The following MRTFA variants were observed in gnomAD, a reference collection of about 807,000 sequenced individuals.
MRTFA encodes the protein myocardin-related transcription factor A.
A neutral mutation model predicts 83.5 loss-of-function variants in MRTFA; 20 were observed. The observed-to-expected ratio is 0.24, with a 90% CI of 0.17 to 0.35. MRTFA has a LOEUF of 0.35. Ranked by LOEUF, MRTFA falls within the 10% of genes least tolerant of loss-of-function variation. The probability of loss-of-function intolerance (pLI) is 1.00; values close to 1 mark genes in which losing one functional copy is unlikely to be tolerated. For missense variants in MRTFA, 1,200 were observed against 1,224.7 expected (o/e 0.98, Z 0.30); for synonymous variants, 659 against 541.2 (o/e 1.22, Z -3.02).
At chr22:40,521,199 T>C (rs2054860195) in intron 3 of MRTFA, among the ~76,000 whole-genome samples, 3 of 152,154 alleles carry the variant, frequency 2.0e-5, no homozygotes, top group Admixed American at 2.0e-4. Flanking sequence ...TTAGTCAACA[T>C]ACACATTTCC....
intron 7 of MRTFA, chr22:40,429,238 A>G (rs2147090025): frequency 6.7e-6 from 4 of 595,816 alleles, no homozygotes; most frequent in South Asian, 2.1e-5. Flanking sequence ...GACTTCACTA[A>G]TAAAGAGTAT....
intron 1 of MRTFA, among the ~76,000 whole-genome samples, chr22:40,629,371 G>A (rs972305047): frequency 1.9e-4 from 29 of 150,514 alleles, no homozygotes; most frequent in East Asian, 3.9e-4. Context: ...GCTTGAACCC[G>A]GGAGACGGAG....
In MRTFA at chr22:40,419,134, G is replaced by A. The variant is rs1006923794; in HGVS notation, c.1604C>T (p.Thr535Met). The A allele has an allele frequency of 1.1e-5, 17 of 1,587,512 alleles. No individual in the cohort carries two copies. The highest frequency in any genetic ancestry group is 2.7e-5 in the African/African-American group (2 of 73,996). Residue 535 changes from threonine (T) to methionine (M), a missense_variant, in exon 12 of 15, where the codon ACG (threonine) becomes ATG (methionine). Thr to Met is a moderately conservative substitution (Grantham distance 81, BLOSUM62 -1). Transcript: ENST00000355630. Reference sequence around the variant, plus strand: ...CTTCACCACCCCACTGCTGGCCACCGTGGCCACCACCACCTCAGCTGGAGC... The same window carrying A: ...CTTCACCACCCCACTGCTGGCCACCATGGCCACCACCACCTCAGCTGGAGC...
intron 1 of MRTFA, among the ~76,000 whole-genome samples, chr22:40,596,790 G>GCGA (rs2056197989): frequency 6.6e-6 from 1 of 152,050 alleles, no homozygotes; most frequent in African/African-American, 2.4e-5. Context: ...GGGTAACAGA[G>GCGA]CGAGACTCCA....
rs1027958879 is a variant in MRTFA at position 40,434,000 on chromosome 22, A to G, written c.363+1499T>C. On this transcript the variant is annotated intron_variant, in intron 5 of 14. Coordinates refer to ENST00000355630, the MANE Select transcript of MRTFA (RefSeq NM_020831.6). Reference sequence around the variant, plus strand: ...CCCAGCTTTGCCACTTATTGGCTGGACAAGTGAGTTAACTTCTCTTAGCTG... The same window carrying G: ...CCCAGCTTTGCCACTTATTGGCTGGGCAAGTGAGTTAACTTCTCTTAGCTG... Among the ~76,000 whole-genome samples the G allele has an allele frequency of 5.5e-4, 84 of 152,366 alleles. 1 individual carries two copies. The highest frequency in any genetic ancestry group is 3.8e-4 in the Non-Finnish European group (26 of 68,034).
chr22:40,626,143 C>CCGGCTGAT (rs774191326), intron 1 of MRTFA, among the ~76,000 whole-genome samples: 3 of 151,984 alleles, frequency 2.0e-5, no homozygotes, highest in Non-Finnish European at 4.4e-5. Flanking sequence ...ACCACCACAC[C>CCGGCTGAT]CGGCTGATTT....
chr22:40,610,201 C>T (rs1736819941), intron 1 of MRTFA, among the ~76,000 whole-genome samples: 1 of 151,882 alleles, frequency 6.6e-6, no homozygotes, highest in Non-Finnish European at 1.5e-5. Context: ...TACCTGCCAC[C>T]ATGCCCAGCT....
rs555017908 is a variant in MRTFA, at chr22:40,563,476, C to T, written c.-21-11109G>A. On this transcript the variant is annotated intron_variant, in intron 2 of 14. Coordinates refer to ENST00000355630, the MANE Select transcript of MRTFA (RefSeq NM_020831.6). ...TATATTAACCTTACAGCAAACACAT[C>T]ATATATACAAAGTCAGCACAGATAC... Among the ~76,000 whole-genome samples the T allele has an allele frequency of 7.0e-5, 10 of 142,230 alleles. No individual in the cohort carries two copies. The South Asian group carries it at 2.2e-3, about 32-fold the overall frequency. 93.3% of individuals were successfully genotyped at this position (142,230 alleles called of 152,430 possible).
chr22:40,421,050 G>A lies in MRTFA; in HGVS notation c.978C>T (p.Ala326=). The A allele has an allele frequency of 1.3e-6, 2 of 1,564,826 alleles. No homozygotes were observed. The highest frequency in any genetic ancestry group is 1.7e-6 in the Non-Finnish European group (2 of 1,153,430). The change falls in exon 10 of 15, where the codon GCC becomes GCT. Residue 326 remains alanine (A), a synonymous_variant. Coordinates refer to ENST00000355630, the MANE Select transcript of MRTFA (RefSeq NM_020831.6). Reference sequence around the variant, plus strand: ...TCTTCACCTTTGGCTTCAGCTCCTTGGCCTTCTTGCTGCGCTGTGACTTCT... The same window carrying A: ...TCTTCACCTTTGGCTTCAGCTCCTTAGCCTTCTTGCTGCGCTGTGACTTCT...
chr22:40,413,737 C>T lies in MRTFA; in HGVS notation c.2579-1830G>A, dbSNP rs948659000. ...GGATTACAGGCGTGAGCTACCACGC[C>T]CAGCCGATTTATCACAATTTTTAAA... On this transcript the variant is annotated intron_variant, in intron 14 of 14. Transcript: ENST00000355630. 2.6e-5 allele frequency among the ~76,000 whole-genome samples: 4 copies of T among 152,124 alleles called. No homozygotes were observed. In the East Asian group the frequency reaches 7.7e-4, roughly 29 times the overall value.
chr22:40,457,846 C>T (rs1192160090), intron 4 of MRTFA, among the ~76,000 whole-genome samples: 2 of 152,214 alleles, frequency 1.3e-5, no homozygotes, highest in Non-Finnish European at 2.9e-5. Flanking sequence ...ACAAGCTTCT[C>T]TCACATCCAG....
At chr22:40,448,235 G>A (rs1039505472) in intron 4 of MRTFA, among the ~76,000 whole-genome samples, 41 of 152,216 alleles carry the variant, frequency 2.7e-4, no homozygotes, top group African/African-American at 9.4e-4. Context: ...GCTTGAACCC[G>A]GGTAGCGGAG....
chr22:40,572,757 G>C (rs1207466552), intron 2 of MRTFA, among the ~76,000 whole-genome samples: 1 of 152,188 alleles, frequency 6.6e-6, no homozygotes, highest in Non-Finnish European at 1.5e-5. Flanking sequence ...CAGGCAAAGA[G>C]AGAGCTTGTG....
chr22:40,520,179 T>TA (rs1323213016), intron 3 of MRTFA, among the ~76,000 whole-genome samples: 3 of 152,196 alleles, frequency 2.0e-5, no homozygotes, highest in South Asian at 4.1e-4. Context: ...TCACACAATT[T>TA]AAAAAATTGA....
rs2053032407 is a variant in MRTFA, at chr22:40,429,858, G to A, written c.440-91C>T. 4.5e-6 allele frequency: 6 copies of A among 1,323,574 alleles called. No individual in the cohort carries two copies. In the Middle Eastern group the frequency reaches 1.1e-3, roughly 237 times the overall value. The allele number at this position is 1,323,574 out of a possible 1,614,324, so 82.0% of individuals were successfully genotyped here. A position where few individuals can be genotyped will look rare whatever the true frequency, so the allele number is the denominator to read the frequency against. On this transcript the variant is annotated intron_variant, in intron 6 of 14. Transcript: ENST00000355630. ...CCAGAGCAGCTCTCCTTCCTCCTGG[G>A]CAAGAGGAGTGACTGTCAGAACGGT...
At chr22:40,507,633 T>C (rs2054600722) in intron 3 of MRTFA, among the ~76,000 whole-genome samples, 1 of 150,802 alleles carries the variant, frequency 6.6e-6, no homozygotes, top group Non-Finnish European at 1.5e-5. Context: ...AAAAAAAAAT[T>C]GTCCTAGATT....
intron 7 of MRTFA, 47 bp downstream of exon 7, chr22:40,429,559 C>T: frequency 6.2e-7 from 1 of 1,611,970 alleles, no homozygotes; most frequent in Non-Finnish European, 8.5e-7. Context: ...TCCCTCCCCT[C>T]CTGCATCTCA....
chr22:40,606,752 G>A (rs113795623), intron 1 of MRTFA, among the ~76,000 whole-genome samples: 74 of 152,284 alleles, frequency 4.9e-4, no homozygotes, highest in African/African-American at 1.7e-3. Context: ...CAGACCACCA[G>A]AAAGAAGCTC....
intron 2 of MRTFA, among the ~76,000 whole-genome samples, chr22:40,559,202 C>T (rs1274031376): frequency 6.6e-6 from 1 of 152,098 alleles, no homozygotes; most frequent in Non-Finnish European, 1.5e-5. Context: ...CAATCCTGGG[C>T]AACATGGCAA....
Sources: allele counts gnomAD v4.1 joint callset (sites outside exome capture counted in the v4.1 genomes callset), GRCh38; gene constraint gnomAD v4.1.1; transcripts MANE v1.5; gene names NCBI Gene and HGNC (gene_info 2026-07-23, HGNC 2026-07-21).